The following SORCS2 variants were observed in gnomAD, a reference collection of about 807,000 sequenced individuals.
The protein encoded by SORCS2 is sortilin related VPS10 domain containing receptor 2.
Under a neutral mutation model 141.6 loss-of-function variants are expected in SORCS2, and 100 were observed. The observed-to-expected ratio is 0.71, with a 90% CI of 0.60 to 0.83. The LOEUF (loss-of-function observed/expected upper bound fraction) is 0.83. Ranked by LOEUF, SORCS2 falls within the 40% of genes least tolerant of loss-of-function variation. The pLI is 0.00. For missense variants in SORCS2, 1,646 were observed against 1,560.2 expected (o/e 1.05, Z -0.93); for synonymous variants, 789 against 676.9 (o/e 1.17, Z -2.57).
chr4:7,279,468 A>C (rs964299796), intron 1 of SORCS2, among the ~76,000 whole-genome samples: 1 of 152,216 alleles, frequency 6.6e-6, no homozygotes, highest in African/African-American at 2.4e-5. Flanking sequence ...TCATGCTGTT[A>C]CAATAAATGC....
At chr4:7,340,439 G>A (rs545448436) in intron 1 of SORCS2, among the ~76,000 whole-genome samples, 7 of 152,360 alleles carry the variant, frequency 4.6e-5, no homozygotes, top group African/African-American at 9.6e-5. Context: ...GTGTCCTGGC[G>A]TTTTGTGGAG....
At chr4:7,218,316 A>G (rs1324991289) in intron 1 of SORCS2, among the ~76,000 whole-genome samples, 2 of 152,140 alleles carry the variant, frequency 1.3e-5, no homozygotes, top group African/African-American at 4.8e-5. Context: ...CTCCTCGATC[A>G]CTTCAAGAAT....
At chr4:7,574,604 G>T (rs1193559286) in intron 3 of SORCS2, among the ~76,000 whole-genome samples, 1 of 151,910 alleles carries the variant, frequency 6.6e-6, no homozygotes, top group African/African-American at 2.4e-5. Context: ...AGGCAGGGAG[G>T]CAAGGAGGGA....
At chr4:7,362,403 C>T (rs1034401382) in intron 1 of SORCS2, among the ~76,000 whole-genome samples, 6 of 152,256 alleles carry the variant, frequency 3.9e-5, no homozygotes, top group Non-Finnish European at 5.9e-5. Context: ...GAATCTCAGG[C>T]CCTGATCTCA....
At chr4:7,328,789 G>A (rs1424395731) in intron 1 of SORCS2, among the ~76,000 whole-genome samples, 1 of 152,320 alleles carries the variant, frequency 6.6e-6, no homozygotes, top group East Asian at 1.9e-4. Flanking sequence ...CCGACCAGGG[G>A]CTACCCTCAG....
intron 1 of SORCS2, among the ~76,000 whole-genome samples, chr4:7,270,473 C>T (rs1577341869): frequency 6.6e-6 from 1 of 152,210 alleles, no homozygotes; most frequent in South Asian, 2.1e-4. Flanking sequence ...GGGTCTGGTT[C>T]CCTCCAGCGC....
chr4:7,435,116 T>G, intron 2 of SORCS2: 1 of 547,532 alleles, frequency 1.8e-6, no homozygotes, highest in Non-Finnish European at 3.2e-6. Flanking sequence ...CTTAGCAGTT[T>G]TCTGAGCCTA....
intron 1 of SORCS2, among the ~76,000 whole-genome samples, chr4:7,315,457 G>C (rs7685055): frequency 2.6e-5 from 4 of 152,212 alleles, no homozygotes; most frequent in Non-Finnish European, 4.4e-5. Flanking sequence ...CTGACTGGCT[G>C]TCTGCTCTGG....
intron 1 of SORCS2, among the ~76,000 whole-genome samples, chr4:7,306,872 C>T (rs1382692587): frequency 2.0e-5 from 3 of 152,106 alleles, no homozygotes; most frequent in Non-Finnish European, 2.9e-5. Context: ...GCGTTGTGGG[C>T]GACCCCCTAA....
At chr4:7,339,164 C>T (rs998948405) in intron 1 of SORCS2, among the ~76,000 whole-genome samples, 1 of 152,194 alleles carries the variant, frequency 6.6e-6, no homozygotes, top group Non-Finnish European at 1.5e-5. Flanking sequence ...ATAGAGAAAA[C>T]CAGCCCATGG....
Position 7,233,227 on chromosome 4 carries a change from C to T in SORCS2, c.480+40101C>T, listed in dbSNP as rs555202389. 8.5e-5 allele frequency among the ~76,000 whole-genome samples: 13 copies of T among 152,280 alleles called. No homozygotes were observed. The highest frequency in any genetic ancestry group is 2.1e-4 in the South Asian group (1 of 4,828). On this transcript the variant is annotated intron_variant, in intron 1 of 26. Coordinates refer to ENST00000507866, the MANE Select transcript of SORCS2 (RefSeq NM_020777.3). The surrounding 1 kb of genome is among the most constrained non-coding windows in gnomAD (Gnocchi z 4.5). Reference sequence around the variant, plus strand: ...GGGAGCCTTCCAGAGCAGGGGGAGGCGTCGGCCAGCCCTGAGAACTAGGAA... The same window carrying T: ...GGGAGCCTTCCAGAGCAGGGGGAGGTGTCGGCCAGCCCTGAGAACTAGGAA...
rs776498520 is a variant in SORCS2, at chr4:7,718,112, G to C, written c.2353G>C (p.Val785Leu). The C allele has an allele frequency of 6.2e-7, 1 of 1,612,230 alleles. No individual in the cohort carries two copies. Among genetic ancestry groups the C allele is most frequent in the Non-Finnish European group, 8.5e-7 (1 of 1,179,330 alleles). Residue 785 changes from valine (V) to leucine (L), a missense_variant, in exon 18 of 27, where the codon GTC becomes CTC. Val to Leu is a conservative substitution (Grantham distance 32). Transcript: ENST00000507866. The stretch of plus-strand genomic sequence containing the variant: ...CCTCACGCCGCCCCGGGGCCTGCAG[G>C]TCAGCATTCAAGGCGAGGCGGTGGC... ...CPLTPPRGLQ[V>L]SIQGEAVAVR... is the part of the protein sequence containing the mutation.
chr4:7,707,142 T>C (rs550733547), intron 14 of SORCS2, among the ~76,000 whole-genome samples: 67 of 152,362 alleles, frequency 4.4e-4, no homozygotes, highest in South Asian at 8.3e-4. Flanking sequence ...TGGGACCCCC[T>C]ATGAGGATGC....
chr4:7,715,061 G>T (rs1211259225), intron 16 of SORCS2, 122 bp from the exon 17 acceptor site: 2 of 1,334,162 alleles, frequency 1.5e-6, no homozygotes, highest in Non-Finnish European at 2.1e-6. Flanking sequence ...CTCACAGATG[G>T]GTGCATAGCA....
intron 26 of SORCS2, among the ~76,000 whole-genome samples, chr4:7,739,955 G>T (rs1712522199): frequency 6.6e-6 from 1 of 152,158 alleles, no homozygotes; most frequent in Non-Finnish European, 1.5e-5. Context: ...GTTGGGGCCG[G>T]CCTGGGCCTC....
chr4:7,561,999 T>C (rs1714625299), intron 3 of SORCS2, among the ~76,000 whole-genome samples: 1 of 152,218 alleles, frequency 6.6e-6, no homozygotes, highest in Non-Finnish European at 1.5e-5. Context: ...CACAAATATT[T>C]CTAGAGGACG....
intron 1 of SORCS2, among the ~76,000 whole-genome samples, chr4:7,303,490 C>G (rs5021748): frequency 0.55 from 84,365 of 152,082 alleles, 23,966 homozygotes; most frequent in South Asian, 0.68. Context: ...CTTCATTTGA[C>G]ATGCAATCAA....
At chr4:7,367,371 C>T (rs932848940) in intron 1 of SORCS2, among the ~76,000 whole-genome samples, 16 of 152,208 alleles carry the variant, frequency 1.1e-4, no homozygotes, top group African/African-American at 2.4e-4. Flanking sequence ...TGAGTTTCTC[C>T]TCTGCCATTT....
At chr4:7,557,017 G>A (rs151020096) in intron 3 of SORCS2, among the ~76,000 whole-genome samples, 220 of 149,650 alleles carry the variant, frequency 1.5e-3, no homozygotes, top group Admixed American at 3.4e-3. Context: ...CCATCCATCT[G>A]TCCACTCATC....
Sources: allele counts gnomAD v4.1 joint callset (sites outside exome capture counted in the v4.1 genomes callset), GRCh38; gene constraint gnomAD v4.1.1; non-coding constraint Gnocchi (gnomAD v3.1); transcripts MANE v1.5; gene names NCBI Gene and HGNC (gene_info 2026-07-23, HGNC 2026-07-21).